The following CLMN variants were observed in gnomAD, a reference collection of about 807,000 sequenced individuals.
The protein encoded by CLMN is calmin, also known as calmin (calponin-like, transmembrane).
In CLMN, 57 loss-of-function variants were observed where a neutral mutation model predicts 92.7. That is an observed-to-expected ratio of 0.61 (90% confidence interval 0.50 to 0.77). CLMN has a LOEUF of 0.77. Among genes scored for constraint, CLMN ranks in the 30% least tolerant of loss-of-function variants. CLMN has a pLI of 0.00. For missense variants in CLMN, 1,158 were observed against 1,237.5 expected (o/e 0.94, Z 0.96); for synonymous variants, 466 against 470.6 (o/e 0.99, Z 0.13).
chr14:95,290,259 G>A (rs1157504489), intron 1 of CLMN, among the ~76,000 whole-genome samples: 1 of 152,166 alleles, frequency 6.6e-6, no homozygotes, highest in Non-Finnish European at 1.5e-5. Context: ...GTGGTGCTTT[G>A]TGACTCTGTC....
chr14:95,215,859 GTT>G (rs1897328788), intron 4 of CLMN, 126 bp from the exon 5 acceptor site: 1 of 625,542 alleles, frequency 1.6e-6, no homozygotes, highest in Non-Finnish European at 2.8e-6. Context: ...GTGTGTGTGT[GTT>G]TGCATGAGCC....
chr14:95,268,822 T>TA (rs1197162764), intron 1 of CLMN, among the ~76,000 whole-genome samples: 5 of 118,252 alleles, frequency 4.2e-5, no homozygotes, highest in Non-Finnish European at 9.0e-5. Flanking sequence ...TTTTTTTTTT[T>TA]AGACAGAGTC....
intron 12 of CLMN, chr14:95,193,469 G>T: frequency 8.6e-7 from 1 of 1,160,054 alleles, no homozygotes; most frequent in Non-Finnish European, 1.2e-6. Flanking sequence ...ATTCACAGGG[G>T]CCACACAGCC....
chr14:95,262,643 G>A (rs1899304487), intron 1 of CLMN, among the ~76,000 whole-genome samples: 1 of 152,112 alleles, frequency 6.6e-6, no homozygotes, highest in South Asian at 2.1e-4. Context: ...ATGGCTCACT[G>A]CAGCCTCATC....
intron 1 of CLMN, among the ~76,000 whole-genome samples, chr14:95,236,829 G>A (rs184593457): frequency 6.6e-6 from 1 of 152,198 alleles, no homozygotes; most frequent in African/African-American, 2.4e-5. Flanking sequence ...TCATGAGGTT[G>A]TGAGGACCAA....
chr14:95,302,281 C>G (rs946007068), intron 1 of CLMN, among the ~76,000 whole-genome samples: 1 of 151,502 alleles, frequency 6.6e-6, no homozygotes, highest in Non-Finnish European at 1.5e-5. Context: ...GCCTGGGCAA[C>G]AGAGTGAGAC....
intron 2 of CLMN, among the ~76,000 whole-genome samples, chr14:95,225,012 C>T (rs569141280): frequency 1.1e-4 from 16 of 152,272 alleles, no homozygotes; most frequent in African/African-American, 3.6e-4. Flanking sequence ...GCTTTCCTCA[C>T]CCCACGTGTG....
intron 1 of CLMN, among the ~76,000 whole-genome samples, chr14:95,293,149 T>TC (rs1900646403): frequency 1.5e-5 from 1 of 65,326 alleles, no homozygotes; most frequent in African/African-American, 7.1e-5. Context: ...CCCTCCCTTC[T>TC]TCCCTCCTTC....
chr14:95,307,298 G>A (rs1901328322), intron 1 of CLMN, among the ~76,000 whole-genome samples: 1 of 152,156 alleles, frequency 6.6e-6, no homozygotes, highest in Non-Finnish European at 1.5e-5. Flanking sequence ...CACTCTCTAA[G>A]CCTGGGTCAC....
intron 1 of CLMN, among the ~76,000 whole-genome samples, chr14:95,272,312 G>A (rs1370033685): frequency 6.7e-6 from 1 of 150,296 alleles, no homozygotes; most frequent in Admixed American, 6.6e-5. Flanking sequence ...ACTCCAGGAA[G>A]AGGAGGAGGA....
intron 1 of CLMN, among the ~76,000 whole-genome samples, chr14:95,289,297 C>A (rs1056856815): frequency 6.6e-6 from 1 of 152,064 alleles, no homozygotes; most frequent in Non-Finnish European, 1.5e-5. Flanking sequence ...GCAAGACCAG[C>A]CTGGGCAACA....
At chr14:95,318,187 AAGAC>A (rs1321297996) in intron 1 of CLMN, among the ~76,000 whole-genome samples, 1 of 152,194 alleles carries the variant, frequency 6.6e-6, no homozygotes. Context: ...ATGGTTGCCT[AAGAC>A]AGACAGGTAC....
At chr14:95,261,337 G>A (rs1188682132) in intron 1 of CLMN, among the ~76,000 whole-genome samples, 1 of 152,228 alleles carries the variant, frequency 6.6e-6, no homozygotes, top group East Asian at 1.9e-4. Context: ...ACTTTATGCC[G>A]CTTTGCGCAC....
At chr14:95,205,547 C>T (rs1417077784) in intron 8 of CLMN, among the ~76,000 whole-genome samples, 3 of 152,076 alleles carry the variant, frequency 2.0e-5, no homozygotes, top group African/African-American at 7.2e-5. Context: ...AAGACTACTT[C>T]AAAGTTTTCT....
In CLMN at chr14:95,244,285, C is replaced by T. The variant is rs998564266; in HGVS notation, c.83-14152G>A. Reference sequence around the variant, plus strand: ...AGCCAGAGTCTACTTGAATGCCTCCCGGGATGAGGTGCTCAGTACCTATTC... The same window carrying T: ...AGCCAGAGTCTACTTGAATGCCTCCTGGGATGAGGTGCTCAGTACCTATTC... On this transcript the variant is annotated intron_variant, in intron 1 of 12. Transcript: ENST00000298912. Among the ~76,000 whole-genome samples the T allele has an allele frequency of 7.2e-5, 11 of 152,294 alleles. No homozygotes were observed. The East Asian group carries it at 7.7e-4, about 11-fold the overall frequency.
At chr14:95,206,169 G>C (rs1030571485) in intron 8 of CLMN, among the ~76,000 whole-genome samples, 11 of 152,294 alleles carry the variant, frequency 7.2e-5, no homozygotes, top group Non-Finnish European at 1.6e-4. Flanking sequence ...CACACTTCAA[G>C]ATGGGGGAAA....
At position 95,194,151 on chromosome 14, in the gene CLMN, T is replaced by C. The variant is rs1343107774; in HGVS notation, c.2770-232A>G. 8 of 1,409,180 alleles carry C rather than the reference T, an allele frequency of 5.7e-6. No individual in the cohort carries two copies. Among genetic ancestry groups the C allele is most frequent in the Non-Finnish European group, 5.5e-6 (6 of 1,087,610 alleles). 87.3% of individuals were successfully genotyped at this position (1,409,180 alleles called of 1,614,324 possible). ...GAGACCCCACCACCCGGAACCCGGA[T>C]TGGGGTGTGCTGCTCCGGGTTCTAA... is the stretch of plus-strand genomic sequence containing the variant. On this transcript the variant is annotated intron_variant, in intron 11 of 12. Transcript: ENST00000298912. This position sits in a 1 kb window ranked among gnomAD's most constrained non-coding sequence, Gnocchi z 4.0.
At position 95,204,125 on chromosome 14, in the gene CLMN, T is replaced by C. The variant is rs1282538743; in HGVS notation, c.1224A>G (p.Leu408=). Reference sequence around the variant, plus strand: ...ACCTCCCGTTCTCCTTTCTGGATGATAAAATGGAGGATTCTGGAGATGGCT... The same window carrying C: ...ACCTCCCGTTCTCCTTTCTGGATGACAAAATGGAGGATTCTGGAGATGGCT... ...ISEPSPESSI[L]SSRKENGRSN... is the part of the protein sequence containing the mutation. Residue 408 remains leucine (L), a synonymous_variant, in exon 9 of 13, where the codon TTA becomes TTG. Transcript: ENST00000298912. 1 of 1,614,174 alleles carries C rather than the reference T, an allele frequency of 6.2e-7. No individual in the cohort carries two copies. The highest frequency in any genetic ancestry group is 8.5e-7 in the Non-Finnish European group (1 of 1,180,032).
intron 1 of CLMN, among the ~76,000 whole-genome samples, chr14:95,315,804 T>A (rs1296559193): frequency 6.6e-6 from 1 of 152,164 alleles, no homozygotes; most frequent in Non-Finnish European, 1.5e-5. Context: ...CAAGCTACAG[T>A]CTGGCTGGGT....
Sources: allele counts gnomAD v4.1 joint callset (sites outside exome capture counted in the v4.1 genomes callset), GRCh38; gene constraint gnomAD v4.1.1; non-coding constraint Gnocchi (gnomAD v3.1); transcripts MANE v1.5; gene names NCBI Gene and HGNC (gene_info 2026-07-23, HGNC 2026-07-21).